Variants in MCM3AP observed in about 807,000 individuals in gnomAD.
The protein encoded by MCM3AP is germinal-center associated nuclear protein.
In MCM3AP, 126 loss-of-function variants were observed where a neutral mutation model predicts 184.1. The ratio of observed to expected loss-of-function variants is 0.68; its 90% CI spans 0.59 to 0.79. The LOEUF (loss-of-function observed/expected upper bound fraction) is 0.79, where lower values mean the gene tolerates loss of function less well. MCM3AP is among the 30% of genes least tolerant of loss of function. The pLI is 0.00. For synonymous variants in MCM3AP, 1,002 were observed against 979.3 expected, an observed-to-expected ratio of 1.02 and a Z score of -0.43; for missense variants, 2,496 against 2,479.2, an observed-to-expected ratio of 1.01 and a Z score of -0.14.
intron 26 of MCM3AP, among the ~76,000 whole-genome samples, chr21:46,239,933 G>C (rs1390544426): frequency 6.6e-6 from 1 of 152,102 alleles, no homozygotes; most frequent in African/African-American, 2.4e-5. Context: ...GTTCAACCCT[G>C]GGCCTTCATC....
At chr21:46,264,774 C>T (rs745881204) in intron 12 of MCM3AP, among the ~76,000 whole-genome samples, 1 of 133,122 alleles carries the variant, frequency 7.5e-6, no homozygotes, top group Non-Finnish European at 1.6e-5. Context: ...CCCGAGGCCA[C>T]GCCTATCAGG....
chr21:46,268,752 T>C (rs1262449268), intron 9 of MCM3AP, among the ~76,000 whole-genome samples: 2 of 152,218 alleles, frequency 1.3e-5, no homozygotes, highest in Non-Finnish European at 2.9e-5. Flanking sequence ...TGTTTAAAGT[T>C]ATTAAAAACG....
At position 46,242,798 on chromosome 21, in the gene MCM3AP, T is replaced by G; in HGVS notation, c.5426+4A>C. The G allele has an allele frequency of 6.2e-7, 1 of 1,604,526 alleles. No homozygotes were observed. The highest frequency in any genetic ancestry group is 8.5e-7 in the Non-Finnish European group (1 of 1,176,910). ...AACAGAAACATACTGAACATGAACC[T>G]CACCGTCCCTCTCTCAGCTGTAGCT... On this transcript the variant is annotated splice_donor_region_variant and intron_variant, in intron 25 of 27. Coordinates refer to ENST00000291688, the MANE Select transcript of MCM3AP (RefSeq NM_003906.5).
intron 17 of MCM3AP, among the ~76,000 whole-genome samples, chr21:46,255,538 TGA>T (rs1261700748): frequency 6.6e-6 from 1 of 151,956 alleles, no homozygotes; most frequent in Non-Finnish European, 1.5e-5. Context: ...GTGCTGGGTC[TGA>T]GAGAGATGCA....
At chr21:46,241,206 G>A (rs1325268784) in intron 25 of MCM3AP, 189 bp from the exon 26 acceptor site, 1 of 592,722 alleles carries the variant, frequency 1.7e-6, no homozygotes, top group Non-Finnish European at 3.0e-6. Context: ...GTCAGGGAGT[G>A]GAGCAAAGAG....
chr21:46,257,510 T>G (rs1601513404), intron 16 of MCM3AP, among the ~76,000 whole-genome samples: 1 of 142,674 alleles, frequency 7.0e-6, no homozygotes, highest in Non-Finnish European at 1.5e-5. Context: ...GATACATATA[T>G]CCCTTGACCC....
Position 46,243,134 on chromosome 21 carries a change from A to G in MCM3AP, c.5297-203T>C, listed in dbSNP as rs552917997. 134 of 599,986 alleles carry G rather than the reference A, an allele frequency of 2.2e-4. No homozygotes were observed. The South Asian group carries it at 2.8e-3, about 12-fold the overall frequency. The allele number at this position is 599,986 out of a possible 1,614,324, so 37.2% of individuals were successfully genotyped here. A position where few individuals can be genotyped will look rare whatever the true frequency, so the allele number is the denominator to read the frequency against. ...TATGTGACTTCCACACTTGGGTTAA[A>G]TAGGCTCCCAGGGTCCATGCATCAC... On this transcript the variant is annotated intron_variant, in intron 24 of 27. Coordinates refer to ENST00000291688, the MANE Select transcript of MCM3AP (RefSeq NM_003906.5).
At chr21:46,282,836 A>G (rs2081350598) in intron 2 of MCM3AP, among the ~76,000 whole-genome samples, 1 of 152,096 alleles carries the variant, frequency 6.6e-6, no homozygotes. Flanking sequence ...AAAAGAAAGT[A>G]TTATGCATAC....
At position 46,257,006 on chromosome 21, in the gene MCM3AP, T is replaced by A. The variant is rs17176625; in HGVS notation, c.3735-20A>T. ...CTCCACCTGGGGACATGAAAATGTA[T>A]CATCACAGAGTGTTTTCAGGGTCTT... is the stretch of plus-strand genomic sequence containing the variant. On this transcript the variant is annotated intron_variant, in intron 16 of 27. Coordinates refer to ENST00000291688, the MANE Select transcript of MCM3AP (RefSeq NM_003906.5). 313 of 1,604,284 alleles carry A rather than the reference T, an allele frequency of 2.0e-4. No homozygotes were observed. The highest frequency in any genetic ancestry group is 3.3e-4 in the Middle Eastern group (2 of 6,038).
chr21:46,277,271 CAGG>C (rs966209614), intron 5 of MCM3AP, among the ~76,000 whole-genome samples: 1 of 152,184 alleles, frequency 6.6e-6, no homozygotes, highest in African/African-American at 2.4e-5. Flanking sequence ...CCTCTACAGA[CAGG>C]AGCCCATTCT....
intron 25 of MCM3AP, 70 bp downstream of exon 25, chr21:46,242,732 A>C: frequency 1.3e-6 from 2 of 1,515,200 alleles, no homozygotes; most frequent in Non-Finnish European, 1.8e-6. Flanking sequence ...GTAGGATGTT[A>C]ATTTCTATTT....
Position 46,280,124 on chromosome 21 carries a change from T to C in MCM3AP, c.1536A>G (p.Lys512=), listed in dbSNP as rs1313841228. The C allele has an allele frequency of 6.2e-7, 1 of 1,614,028 alleles. No homozygotes were observed. Among genetic ancestry groups the C allele is most frequent in the Non-Finnish European group, 8.5e-7 (1 of 1,179,988 alleles). ...WHRKKISPNK[K]PFSLKEKKPG... is the part of the protein sequence containing the mutation. Reference sequence around the variant, plus strand: ...GTTTCTTCTCCTTCAGGGAAAAGGGTTTCTTATTGGGGCCTGTGGACATAG... The same window carrying C: ...GTTTCTTCTCCTTCAGGGAAAAGGGCTTCTTATTGGGGCCTGTGGACATAG... The change falls in exon 4 of 28, where the codon AAA becomes AAG. Residue 512 remains lysine (K), a synonymous_variant. Transcript: ENST00000291688.
chr21:46,264,076 C>A, intron 13 of MCM3AP, 41 bp downstream of exon 13: 1 of 1,418,460 alleles, frequency 7.0e-7, no homozygotes. Flanking sequence ...GTGCAGCTCC[C>A]CGCAGCACGT....
chr21:46,270,635 C>T, intron 8 of MCM3AP, 72 bp from the exon 9 acceptor site: 2 of 1,306,602 alleles, frequency 1.5e-6, no homozygotes, highest in Non-Finnish European at 2.1e-6. Flanking sequence ...GAAGATAGAT[C>T]TGATAAATAA....
At chr21:46,280,240 CAGG>C in intron 3 of MCM3AP, 103 bp from the exon 4 acceptor site, 3 of 1,323,502 alleles carry the variant, frequency 2.3e-6, no homozygotes, top group Non-Finnish European at 3.2e-6. Context: ...TTCATTGTCA[CAGG>C]AGGTTAGAGA....
intron 2 of MCM3AP, among the ~76,000 whole-genome samples, chr21:46,282,359 C>T (rs2081344148): frequency 6.6e-6 from 1 of 152,124 alleles, no homozygotes; most frequent in Non-Finnish European, 1.5e-5. Flanking sequence ...GTAGTCCATC[C>T]ACTCAATGTA....
chr21:46,243,079 G>A (rs1313336090), intron 24 of MCM3AP, 148 bp from the exon 25 acceptor site: 1 of 722,258 alleles, frequency 1.4e-6, no homozygotes, highest in Non-Finnish European at 2.2e-6. Flanking sequence ...ACTGATTTAA[G>A]TGCAAGACCT....
Position 46,266,030 on chromosome 21 carries a change from G to A in MCM3AP, c.2926C>T (p.Arg976Cys), listed in dbSNP as rs778969072. ...VNGGPLPPVPRHTPVCSFNSQ... is the reference protein window; with the variant it reads ...VNGGPLPPVPCHTPVCSFNSQ... ...TTGAAGCTGCACACAGGGGTATGAC[G>A]AGGGACGGGGGGCAATGGCCCTCCG... Residue 976 changes from arginine (R) to cysteine (C), a missense_variant, in exon 11 of 28, where the codon CGT becomes TGT. By Grantham distance (180) the Arg-to-Cys change is radical. Transcript: ENST00000291688. 3.7e-6 allele frequency: 6 copies of A among 1,611,950 alleles called. No homozygotes were observed. Among genetic ancestry groups the A allele is most frequent in the East Asian group, 2.2e-5 (1 of 44,866 alleles).
Position 46,272,559 on chromosome 21 carries a change from A to C in MCM3AP, c.2465+2T>G, listed in dbSNP as rs1193020269. 2 of 1,610,350 alleles carry C rather than the reference A, an allele frequency of 1.2e-6. No individual in the cohort carries two copies. The highest frequency in any genetic ancestry group is 1.1e-5 in the South Asian group (1 of 90,730). On this transcript the variant is annotated splice_donor_variant, in intron 8 of 27. Transcript: ENST00000291688. LOFTEE classifies it high-confidence loss of function. ...GGACAACTTTTGGATGTGAAAATTCACCTTAGGATGTCTCCCTTGTTGAGA... is the reference window on the plus strand; with the variant it reads ...GGACAACTTTTGGATGTGAAAATTCCCCTTAGGATGTCTCCCTTGTTGAGA...
Sources: gnomAD v4.1 joint callset for allele counts (sites outside exome capture counted in the v4.1 genomes callset) on GRCh38, gnomAD v4.1.1 for gene constraint, MANE v1.5 for transcripts, NCBI Gene and HGNC (gene_info 2026-07-23, HGNC 2026-07-21) for gene names.